The following SYMPK variants were observed in gnomAD, a reference collection of about 807,000 sequenced individuals.
SYMPK encodes symplekin scaffold protein.
In SYMPK, 49 loss-of-function variants were observed where a neutral mutation model predicts 136.4. The observed-to-expected ratio is 0.36, with a 90% confidence interval of 0.29 to 0.46. SYMPK has a LOEUF of 0.46. Among genes scored for constraint, SYMPK ranks in the 20% least tolerant of loss-of-function variants. The probability of loss-of-function intolerance (pLI) is 1.00; values close to 1 mark genes in which losing one functional copy is unlikely to be tolerated. For synonymous variants in SYMPK, 766 were observed against 713.0 expected (o/e 1.07, Z -1.19); for missense variants, 1,365 against 1,690.0 (o/e 0.81, Z 3.37).
Position 45,815,507 on chromosome 19 carries a change from C to T in SYMPK, c.*53G>A. Reference sequence around the variant, plus strand: ...AAAGCACCCGCAGGTCAAGCCCCGCCCCGTCCCCCAGCCCCGAGTCCCTGT... The same window carrying T: ...AAAGCACCCGCAGGTCAAGCCCCGCTCCGTCCCCCAGCCCCGAGTCCCTGT... On this transcript the variant is annotated 3_prime_UTR_variant, in exon 27 of 27. Coordinates refer to ENST00000245934, the MANE Select transcript of SYMPK (RefSeq NM_004819.3). 9.7e-7 allele frequency: 1 copy of T among 1,029,288 alleles called. No individual in the cohort carries two copies. Among genetic ancestry groups the T allele is most frequent in the South Asian group, 1.8e-5 (1 of 55,464 alleles). 63.8% of individuals were successfully genotyped at this position (1,029,288 alleles called of 1,614,324 possible).
At chr19:45,822,479 G>A (rs1970932353) in intron 21 of SYMPK, among the ~76,000 whole-genome samples, 1 of 152,208 alleles carries the variant, frequency 6.6e-6, no homozygotes, top group South Asian at 2.1e-4. Context: ...CCGGGCCTGA[G>A]AGGGGCTGGT....
chr19:45,841,895 C>G (rs1316046924), intron 9 of SYMPK, among the ~76,000 whole-genome samples: 1 of 151,932 alleles, frequency 6.6e-6, no homozygotes, highest in Non-Finnish European at 1.5e-5. Flanking sequence ...CATTTTATTC[C>G]TTTCTGTAAA....
At position 45,815,866 on chromosome 19, in the gene SYMPK, C is replaced by T. The variant is rs1433573118; in HGVS notation, c.3672G>A (p.Glu1224=). The change falls in exon 26 of 27, where the codon GAG becomes GAA. Residue 1224 remains glutamate (E), a synonymous_variant. Transcript: ENST00000245934. ...CTCTCCCTACCTTGGGTAGGGGGCC[C>T]TCGAGACTAGAGTCCAACAGCGCGG... ...TEAALLDSSL[E]GPLPKETAAG... is the part of the protein sequence containing the mutation. 2 of 1,611,924 alleles carry T rather than the reference C, an allele frequency of 1.2e-6. No individual in the cohort carries two copies. The highest frequency in any genetic ancestry group is 2.2e-5 in the East Asian group (1 of 44,838).
At position 45,821,184 on chromosome 19, in the gene SYMPK, AAGGAGGAGGGAGGGAGGGAGGG is replaced by A; in HGVS notation, c.2893+178_2893+199del. 1.9e-6 allele frequency: 1 copy of A among 521,456 alleles called. No individual in the cohort carries two copies. Among genetic ancestry groups the A allele is most frequent in the East Asian group, 4.7e-5 (1 of 21,364 alleles). 32.3% of individuals were successfully genotyped at this position (521,456 alleles called of 1,614,324 possible). A position where few individuals can be genotyped will look rare whatever the true frequency, so the allele number is the denominator to read the frequency against. On this transcript the variant is annotated intron_variant, in intron 22 of 26. Coordinates refer to ENST00000245934, the MANE Select transcript of SYMPK (RefSeq NM_004819.3). This position sits in a 1 kb window ranked among gnomAD's most constrained non-coding sequence, Gnocchi z 4.4. ...TAAAGGGTAAAACCTGGGAGGAAGG[AAGGAGGAGGGAGGGAGGGAGGG>A]AGGGAAGAGGAGGCAAGAAAAGGAG...
At position 45,816,079 on chromosome 19, in the gene SYMPK, C is replaced by A. The variant is rs1293867769; in HGVS notation, c.3459G>T (p.Leu1153=). 1 of 1,559,042 alleles carries A rather than the reference C, an allele frequency of 6.4e-7. No individual in the cohort carries two copies. ...CCGGCTTCAGCTTCTGTTCCTCCTC[C>A]AGCTGCCGCTTTAAGGCCTTCTCCT... is the stretch of plus-strand genomic sequence containing the variant. The part of the protein sequence containing the change: ...LAQEKALKRQ[L]EEEQKLKPGG... Residue 1153 remains leucine (L), a synonymous_variant, in exon 26 of 27, where the codon CTG becomes CTT. Coordinates refer to ENST00000245934, the MANE Select transcript of SYMPK (RefSeq NM_004819.3).
chr19:45,828,879 G>T (rs998211620), intron 14 of SYMPK, 91 bp downstream of exon 14: 1 of 1,298,096 alleles, frequency 7.7e-7, no homozygotes, highest in Non-Finnish European at 1.1e-6. Context: ...GGGGGGTGAC[G>T]AAGAGGGAGG....
rs750458955 is a variant in SYMPK at position 45,854,344 on chromosome 19, G to A, written c.105+47C>T. On this transcript the variant is annotated intron_variant, in intron 2 of 26. Coordinates refer to ENST00000245934, the MANE Select transcript of SYMPK (RefSeq NM_004819.3). Reference sequence around the variant, plus strand: ...TGCCACCTAAACAGGGATTGCCAAAGCCAGGGGCTATGCTTCCTCACTCCA... The same window carrying A: ...TGCCACCTAAACAGGGATTGCCAAAACCAGGGGCTATGCTTCCTCACTCCA... 7 of 1,608,928 alleles carry A rather than the reference G, an allele frequency of 4.4e-6. No individual in the cohort carries two copies. The African/African-American group carries it at 9.4e-5, about 22-fold the overall frequency.
intron 17 of SYMPK, 35 bp from the exon 18 acceptor site, chr19:45,825,366 C>A: frequency 6.2e-6 from 10 of 1,603,068 alleles, no homozygotes; most frequent in South Asian, 1.1e-5. Context: ...GATTGGCCCA[C>A]ACTCTTCTCC....
At chr19:45,823,493 G>A in intron 19 of SYMPK, 21 bp from the exon 20 acceptor site, 1 of 1,610,110 alleles carries the variant, frequency 6.2e-7, no homozygotes, top group Middle Eastern at 1.7e-4. Context: ...GCAGCAGGAG[G>A]CACCAAGTTG....
Position 45,831,457 on chromosome 19 carries a change from T to A in SYMPK, c.1525A>T (p.Met509Leu), listed in dbSNP as rs1466569203. The A allele has an allele frequency of 6.2e-7, 1 of 1,609,024 alleles. No homozygotes were observed. The highest frequency in any genetic ancestry group is 2.2e-5 in the East Asian group (1 of 44,756). ...AISVVGSLSS[M>L]SPLEEEAPQA... ...GGTGCCTCTTCCTCCAGGGGGGACATGGAGCTCAGGGAACCCACCACCGAG... is the reference window on the plus strand; with the variant it reads ...GGTGCCTCTTCCTCCAGGGGGGACAAGGAGCTCAGGGAACCCACCACCGAG... Residue 509 changes from methionine (M) to leucine (L), a missense_variant, in exon 12 of 27, where the codon ATG becomes TTG. By Grantham distance (15) the Met-to-Leu change is conservative. Around this residue, in one of 11 missense-constraint regions of SYMPK, gnomAD observed 303 missense variants for 326.6 expected, o/e 0.93. Coordinates refer to ENST00000245934, the MANE Select transcript of SYMPK (RefSeq NM_004819.3).
At chr19:45,817,892 G>A in intron 23 of SYMPK, 67 bp downstream of exon 23, 1 of 1,461,136 alleles carries the variant, frequency 6.8e-7, no homozygotes, top group African/African-American at 1.4e-5. Context: ...GACGGGGGAA[G>A]GGGAGGGCAA....
intron 6 of SYMPK, among the ~76,000 whole-genome samples, chr19:45,848,408 G>A (rs1971618123): frequency 6.6e-6 from 1 of 152,170 alleles, no homozygotes; most frequent in Non-Finnish European, 1.5e-5. Context: ...CATTAATTAA[G>A]GTCTACCTCC....
chr19:45,831,449 G>A lies in SYMPK; in HGVS notation c.1533C>T (p.Pro511=), dbSNP rs375117453. 1.2e-6 allele frequency: 2 copies of A among 1,608,370 alleles called. No homozygotes were observed. Among genetic ancestry groups the A allele is most frequent in the Non-Finnish European group, 1.7e-6 (2 of 1,177,648 alleles). The change falls in exon 12 of 27, where the codon CCC becomes CCT. Residue 511 remains proline (P), a synonymous_variant. Coordinates refer to ENST00000245934, the MANE Select transcript of SYMPK (RefSeq NM_004819.3). ...TGGCCTGCGGTGCCTCTTCCTCCAG[G>A]GGGGACATGGAGCTCAGGGAACCCA... ...SVVGSLSSMS[P]LEEEAPQAKR... is the part of the protein sequence containing the mutation.
intron 20 of SYMPK, 105 bp downstream of exon 20, chr19:45,823,267 G>T: frequency 8.6e-7 from 1 of 1,158,746 alleles, no homozygotes; most frequent in Non-Finnish European, 1.3e-6. Context: ...TCTGCCCTCT[G>T]CTATGTGCCT....
chr19:45,854,688 A>G lies in SYMPK; in HGVS notation c.-12-181T>C. The G allele has an allele frequency of 6.9e-6, 4 of 582,832 alleles. No homozygotes were observed. In the East Asian group the frequency reaches 8.7e-5, roughly 13 times the overall value. 36.1% of individuals were successfully genotyped at this position (582,832 alleles called of 1,614,324 possible). A position where few individuals can be genotyped will look rare whatever the true frequency, so the allele number is the denominator to read the frequency against. On this transcript the variant is annotated intron_variant, in intron 1 of 26. Transcript: ENST00000245934. ...CTGTCTCTGGCTTATGGATATGTGC[A>G]CGGGGCCTGTAACTTGGGGGAGACT... is the stretch of plus-strand genomic sequence containing the variant.
chr19:45,822,694 C>T (rs1421309617), intron 21 of SYMPK, 62 bp downstream of exon 21: 2 of 1,465,244 alleles, frequency 1.4e-6, no homozygotes, highest in African/African-American at 2.8e-5. Context: ...CTGCACCTTG[C>T]CTTCTGCCCC....
At chr19:45,860,789 G>A (rs575880957) in intron 1 of SYMPK, among the ~76,000 whole-genome samples, 28 of 152,236 alleles carry the variant, frequency 1.8e-4, no homozygotes, top group African/African-American at 6.7e-4. Flanking sequence ...GACTACAGGC[G>A]AATCCCCATT....
Position 45,816,121 on chromosome 19 carries a change from G to C in SYMPK, c.3417C>G (p.Ile1139Met). Residue 1139 changes from isoleucine (I) to methionine (M), a missense_variant, in exon 26 of 27, where the codon ATC becomes ATG. Physicochemically the swap from Ile to Met is conservative, Grantham distance 10. Around this residue, in one of 11 missense-constraint regions of SYMPK, gnomAD observed 341 missense variants for 270.5 expected, o/e 1.26. Coordinates refer to ENST00000245934, the MANE Select transcript of SYMPK (RefSeq NM_004819.3). ...APAPRPPQDL[I>M]GLRLAQEKAL... Reference sequence around the variant, plus strand: ...CCTTCTCCTGGGCCAGTCGCAGGCCGATGAGGTCCTGAGGGGGCCGGGGTG... The same window carrying C: ...CCTTCTCCTGGGCCAGTCGCAGGCCCATGAGGTCCTGAGGGGGCCGGGGTG... The C allele has an allele frequency of 6.4e-7, 1 of 1,555,542 alleles. No homozygotes were observed. The highest frequency in any genetic ancestry group is 1.2e-5 in the South Asian group (1 of 84,776).
Position 45,821,752 on chromosome 19 carries a change from C to A in SYMPK, c.2792-267G>T, listed in dbSNP as rs1193179352. 6.6e-6 allele frequency among the ~76,000 whole-genome samples: 1 copy of A among 152,224 alleles called. No individual in the cohort carries two copies. Among genetic ancestry groups the A allele is most frequent in the Admixed American group, 6.5e-5 (1 of 15,284 alleles). ...CGTGTGGCACGGCTGGGTCTCTCTG[C>A]CCCTGGGCTGTGCACCCCCGAGGGC... is the stretch of plus-strand genomic sequence containing the variant. On this transcript the variant is annotated intron_variant, in intron 21 of 26. Coordinates refer to ENST00000245934, the MANE Select transcript of SYMPK (RefSeq NM_004819.3). The surrounding 1 kb of genome is among the most constrained non-coding windows in gnomAD (Gnocchi z 4.4).
Sources: gnomAD v4.1 joint callset for allele counts (sites outside exome capture counted in the v4.1 genomes callset) on GRCh38, gnomAD v4.1.1 for gene constraint, gnomAD v4.1.1 regional missense constraint, Gnocchi (gnomAD v3.1) non-coding constraint, MANE v1.5 for transcripts, NCBI Gene and HGNC (gene_info 2026-07-23, HGNC 2026-07-21) for gene names.